CDH23: variants seen among roughly 807,000 people sequenced by gnomAD.
CDH23 encodes the protein cadherin-23.
CDH23 carries 189 observed loss-of-function variants against 317.1 expected under a neutral mutation model. That is an observed-to-expected ratio of 0.60 (90% CI 0.53 to 0.67). The LOEUF (loss-of-function observed/expected upper bound fraction) is 0.67, where lower values mean the gene tolerates loss of function less well. CDH23 is among the 30% of genes least tolerant of loss of function. The probability of loss-of-function intolerance (pLI) is 0.00; values close to 1 mark genes in which losing one functional copy is unlikely to be tolerated. For missense variants in CDH23, 4,401 were observed against 4,592.4 expected (o/e 0.96, Z 1.20); for synonymous variants, 1,839 against 1,876.8 (o/e 0.98, Z 0.52).
chr10:71,814,230 T>C (rs538588251), intron 69 of CDH23, among the ~76,000 whole-genome samples: 2 of 152,330 alleles, frequency 1.3e-5, no homozygotes, highest in South Asian at 2.1e-4. Flanking sequence ...AGGATGTTTA[T>C]AGAGCACCAA....
chr10:71,564,138 T>A lies in CDH23; in HGVS notation c.430-2604T>A, dbSNP rs1208492064. Among the ~76,000 whole-genome samples, 4 of 152,248 alleles carry A rather than the reference T, an allele frequency of 2.6e-5. No individual in the cohort carries two copies. The South Asian group carries it at 6.2e-4, about 24-fold the overall frequency. On this transcript the variant is annotated intron_variant, in intron 6 of 69. Transcript: ENST00000224721. ...CTGAGCCACCAAGTGTTACTCCCTG[T>A]AGCCTACCTGGAAACCCAGATGCAC...
At position 71,812,525 on chromosome 10, in the gene CDH23, G is replaced by A. The variant is rs2133006908; in HGVS notation, c.9426G>A (p.Leu3142=). ...WLDPFCRNLE[L]AAQAEHEDDL... ...ATCCCTTCTGTCGGAACCTGGAGCT[G>A]GCCGCCCAGGCGGAGCATGAGGATG... is the stretch of plus-strand genomic sequence containing the variant. Residue 3142 remains leucine, a synonymous_variant, in exon 67 of 70, where the codon CTG becomes CTA. Coordinates refer to ENST00000224721, the MANE Select transcript of CDH23 (RefSeq NM_022124.6). The A allele has an allele frequency of 2.5e-6, 4 of 1,613,778 alleles. No homozygotes were observed. Among genetic ancestry groups the A allele is most frequent in the Non-Finnish European group, 3.4e-6 (4 of 1,179,822 alleles).
At position 71,664,659 on chromosome 10, in the gene CDH23, G is replaced by A. The variant is rs146380699; in HGVS notation, c.1450-10453G>A. ...GCGGCGCCTGTGTGCTGGGCACAGA[G>A]CTAAAGCACCTGTGTGCATTACCTT... On this transcript the variant is annotated intron_variant, in intron 14 of 69. Coordinates refer to ENST00000224721, the MANE Select transcript of CDH23 (RefSeq NM_022124.6). 8.2e-3 allele frequency among the ~76,000 whole-genome samples: 1,255 copies of A among 152,346 alleles called. 25 individuals carry two copies. Among genetic ancestry groups the A allele is most frequent in the African/African-American group, 0.029 (1,208 of 41,564 alleles).
intron 38 of CDH23, among the ~76,000 whole-genome samples, chr10:71,768,828 T>G (rs761199916): frequency 2.6e-5 from 4 of 152,200 alleles, no homozygotes; most frequent in Non-Finnish European, 5.9e-5. Flanking sequence ...CCTTCCACCC[T>G]ATGAGGTAGG....
At chr10:71,787,348 A>G (rs1045254912) in intron 44 of CDH23, among the ~76,000 whole-genome samples, 1 of 137,336 alleles carries the variant, frequency 7.3e-6, no homozygotes, top group Non-Finnish European at 1.5e-5. Flanking sequence ...TTTTAGATTC[A>G]GGGAGTACAA....
At chr10:71,732,659 G>A (rs528557869) in intron 32 of CDH23, 50 of 1,386,044 alleles carry the variant, frequency 3.6e-5, no homozygotes, top group African/African-American at 1.4e-4. Flanking sequence ...AAAAGTCCCC[G>A]AGATCAATAT....
In CDH23 at chr10:71,805,787, C is replaced by T; in HGVS notation, c.7873-19C>T. ...TTCTTTCAGGGGTCCAGGAGCCTTC[C>T]TCCCCATGCTCCCCACAGGAGATCC... On this transcript the variant is annotated intron_variant, in intron 55 of 69. Transcript: ENST00000224721. 2.5e-6 allele frequency: 4 copies of T among 1,601,926 alleles called. No individual in the cohort carries two copies. Among genetic ancestry groups the T allele is most frequent in the Non-Finnish European group, 3.4e-6 (4 of 1,172,906 alleles).
chr10:71,759,936 T>TAC (rs1252089875), intron 38 of CDH23, among the ~76,000 whole-genome samples: 11,374 of 52,464 alleles, frequency 0.22, 2,209 homozygotes, highest in Middle Eastern at 0.35. Flanking sequence ...CACACATATA[T>TAC]ACACACACAC....
chr10:71,471,389 C>A (rs1169440518), intron 3 of CDH23, among the ~76,000 whole-genome samples: 2 of 152,224 alleles, frequency 1.3e-5, no homozygotes, highest in Non-Finnish European at 2.9e-5. Context: ...TCAGGGACCC[C>A]TGCTTCTCTC....
At position 71,578,012 on chromosome 10, in the gene CDH23, C is replaced by A. The variant is rs1368144874; in HGVS notation, c.832+20C>A. 6.4e-7 allele frequency: 1 copy of A among 1,573,294 alleles called. No individual in the cohort carries two copies. Among genetic ancestry groups the A allele is most frequent in the Non-Finnish European group, 8.6e-7 (1 of 1,158,768 alleles). ...TTTCAGGTAAGACAGAAGGCTGCCC[C>A]TCTCTCCTCTCACCCCTCTGTCCTC... On this transcript the variant is annotated intron_variant, in intron 9 of 69. Coordinates refer to ENST00000224721, the MANE Select transcript of CDH23 (RefSeq NM_022124.6).
At chr10:71,639,200 T>G (rs1429183137) in intron 11 of CDH23, among the ~76,000 whole-genome samples, 1 of 152,152 alleles carries the variant, frequency 6.6e-6, no homozygotes, top group Non-Finnish European at 1.5e-5. Flanking sequence ...TGGAGGAGAA[T>G]TTAATCCACA....
chr10:71,591,359 G>A, intron 9 of CDH23, among the ~76,000 whole-genome samples: 1 of 152,166 alleles, frequency 6.6e-6, no homozygotes, highest in East Asian at 1.9e-4. Context: ...TTCCATTTCT[G>A]TCAGTTCTAC....
At chr10:71,692,505 A>G (rs1865223511) in intron 20 of CDH23, among the ~76,000 whole-genome samples, 1 of 152,152 alleles carries the variant, frequency 6.6e-6, no homozygotes, top group African/African-American at 2.4e-5. Flanking sequence ...TCACGTTTAA[A>G]ACTTTTTAGA....
At chr10:71,774,685 T>A (rs1840777438) in intron 38 of CDH23, among the ~76,000 whole-genome samples, 1 of 152,214 alleles carries the variant, frequency 6.6e-6, no homozygotes, top group Admixed American at 6.5e-5. Context: ...GGACCAGGGA[T>A]CACAGGAGTG....
chr10:71,484,013 C>A (rs993604863), intron 3 of CDH23, among the ~76,000 whole-genome samples: 1 of 152,188 alleles, frequency 6.6e-6, no homozygotes, highest in Non-Finnish European at 1.5e-5. Context: ...CTGTGGAAAT[C>A]ATGGTTCTGG....
intron 6 of CDH23, among the ~76,000 whole-genome samples, chr10:71,523,650 G>A (rs1188914547): frequency 6.6e-6 from 1 of 152,206 alleles, no homozygotes; most frequent in African/African-American, 2.4e-5. Context: ...AACCGTTGCT[G>A]TGCAGAAGGG....
chr10:71,781,185 A>G (rs1385875594), intron 41 of CDH23, among the ~76,000 whole-genome samples: 6 of 152,084 alleles, frequency 3.9e-5, no homozygotes, highest in Admixed American at 6.6e-5. Context: ...TCAACAGTGA[A>G]CCCAAGCCTC....
At position 71,815,356 on chromosome 10, in the gene CDH23, C is replaced by A; in HGVS notation, c.*78C>A. On this transcript the variant is annotated 3_prime_UTR_variant, in exon 70 of 70. Transcript: ENST00000224721. Reference sequence around the variant, plus strand: ...CAGGGAGCAAGGGCAGGGACAGGGCCGGTCGGGGGGGACCCTCCAAGGCCA... The same window carrying A: ...CAGGGAGCAAGGGCAGGGACAGGGCAGGTCGGGGGGGACCCTCCAAGGCCA... The A allele has an allele frequency of 7.4e-7, 1 of 1,359,474 alleles. No individual in the cohort carries two copies. Among genetic ancestry groups the A allele is most frequent in the Non-Finnish European group, 9.8e-7 (1 of 1,015,564 alleles). The allele number at this position is 1,359,474 out of a possible 1,614,324, so 84.2% of individuals were successfully genotyped here.
chr10:71,591,437 G>A (rs1396737535), intron 9 of CDH23, among the ~76,000 whole-genome samples: 1 of 152,066 alleles, frequency 6.6e-6, no homozygotes, highest in Non-Finnish European at 1.5e-5. Flanking sequence ...GTCCCCACTG[G>A]ACACAAGGAG....
Sources: allele counts gnomAD v4.1 joint callset (sites outside exome capture counted in the v4.1 genomes callset), GRCh38; gene constraint gnomAD v4.1.1; transcripts MANE v1.5; gene names NCBI Gene and HGNC (gene_info 2026-07-23, HGNC 2026-07-21).